Variants in C6orf141 observed in about 807,000 individuals in gnomAD.
The protein encoded by C6orf141 is uncharacterized protein C6orf141.
For synonymous variants in C6orf141, 164 were observed against 140.5 expected, an observed-to-expected ratio of 1.17 and a Z score of -1.18; for missense variants, 361 against 335.8, an observed-to-expected ratio of 1.07 and a Z score of -0.59.
At chr6:49,557,318 C>G (rs2127300870) in intron 4 of C6orf141, among the ~76,000 whole-genome samples, 1 of 152,082 alleles carries the variant, frequency 6.6e-6, no homozygotes, top group South Asian at 2.1e-4. Flanking sequence ...CAGCCCTCCC[C>G]AAAATAGAAC....
At position 49,550,864 on chromosome 6, in the gene C6orf141, C is replaced by T; in HGVS notation, c.72C>T (p.Arg24=). 3 of 1,503,220 alleles carry T rather than the reference C, an allele frequency of 2.0e-6. No individual in the cohort carries two copies. Among genetic ancestry groups the T allele is most frequent in the Non-Finnish European group, 2.7e-6 (3 of 1,129,990 alleles). The allele number at this position is 1,503,220 out of a possible 1,614,324, so 93.1% of individuals were successfully genotyped here. Residue 24 remains arginine (R), a synonymous_variant, in exon 1 of 1, where the codon CGC becomes CGT. Transcript: ENST00000529246. Reference sequence around the variant, plus strand: ...CTGCGAATCCCATGGACTCCTCCCGCAGCCTGGGGGACCTCGGGCCTTTTC... The same window carrying T: ...CTGCGAATCCCATGGACTCCTCCCGTAGCCTGGGGGACCTCGGGCCTTTTC... ...QGAANPMDSS[R]SLGDLGPFPR... is the part of the protein sequence containing the mutation.
intron 4 of C6orf141, among the ~76,000 whole-genome samples, chr6:49,557,621 G>T (rs1772215535): frequency 6.6e-6 from 1 of 151,974 alleles, no homozygotes; most frequent in Admixed American, 6.6e-5. Flanking sequence ...GAGGACCTAG[G>T]AGCCATTACT....
downstream of C6orf141, among the ~76,000 whole-genome samples, chr6:49,554,130 C>G (rs1267024094): frequency 6.6e-6 from 1 of 152,122 alleles, no homozygotes; most frequent in African/African-American, 2.4e-5. Context: ...TGGTAAAGCT[C>G]AAAGGACTAA....
At chr6:49,560,012 C>A (rs1772964478) in intron 4 of C6orf141, among the ~76,000 whole-genome samples, 1 of 152,022 alleles carries the variant, frequency 6.6e-6, no homozygotes, top group African/African-American at 2.4e-5. Flanking sequence ...ATGAAATAAC[C>A]TTATATTAGA....
In C6orf141 at chr6:49,551,568, TC is replaced by T; in HGVS notation, c.*42del. ...ATGTTCCGGGATGGTGGATGAGCGA[TC>T]ATCCTTAAAAGAAAATGCTATTCTG... On this transcript the variant is annotated 3_prime_UTR_variant, in exon 1 of 1. Coordinates refer to ENST00000529246, the MANE Select transcript of C6orf141 (RefSeq NM_001145652.2). 6.5e-7 allele frequency: 1 copy of T among 1,540,988 alleles called. No homozygotes were observed. Among genetic ancestry groups the T allele is most frequent in the Non-Finnish European group, 8.7e-7 (1 of 1,144,996 alleles).
At chr6:49,556,452 G>A (rs965061606), downstream of C6orf141, among the ~76,000 whole-genome samples, 1 of 152,168 alleles carries the variant, frequency 6.6e-6, no homozygotes, top group African/African-American at 2.4e-5. Flanking sequence ...TTATTTGAAA[G>A]TTTGTCCTAA....
chr6:49,554,644 A>G (rs1463694835), downstream of C6orf141, among the ~76,000 whole-genome samples: 1 of 151,484 alleles, frequency 6.6e-6, no homozygotes, highest in Non-Finnish European at 1.5e-5. Flanking sequence ...GGCCTCCCAA[A>G]GTGGTGGGAT....
At chr6:49,557,179 G>A (rs1285301337) in intron 4 of C6orf141, among the ~76,000 whole-genome samples, 1 of 152,194 alleles carries the variant, frequency 6.6e-6, no homozygotes, top group Admixed American at 6.5e-5. Flanking sequence ...TTGAACCCAG[G>A]AGGAGGAGGT....
downstream of C6orf141, among the ~76,000 whole-genome samples, chr6:49,554,109 G>T (rs555921112): frequency 6.6e-6 from 1 of 152,220 alleles, no homozygotes; most frequent in East Asian, 1.9e-4. Context: ...CACATCTTCT[G>T]TAGGGACTCA....
At chr6:49,558,404 GAAAAA>G (rs10716612) in intron 4 of C6orf141, among the ~76,000 whole-genome samples, 4 of 135,252 alleles carry the variant, frequency 3.0e-5, no homozygotes, top group Admixed American at 7.5e-5. Context: ...CCCTGAGTTG[GAAAAA>G]AAAAAAAAAA....
intron 4 of C6orf141, among the ~76,000 whole-genome samples, chr6:49,558,422 A>G (rs1206481018): frequency 1.4e-5 from 2 of 142,776 alleles, no homozygotes; most frequent in South Asian, 4.4e-4. Flanking sequence ...AAAAAAAAAG[A>G]GAGAGAGAGA....
downstream of C6orf141, among the ~76,000 whole-genome samples, chr6:49,557,026 G>A (rs1772086707): frequency 6.6e-6 from 1 of 152,154 alleles, no homozygotes. Flanking sequence ...GGCCAAAGCA[G>A]GTGGATCACC....
At chr6:49,554,245 T>G (rs1486626992), downstream of C6orf141, among the ~76,000 whole-genome samples, 12 of 152,190 alleles carry the variant, frequency 7.9e-5, no homozygotes, top group Admixed American at 7.9e-4. Flanking sequence ...TAGTTTGTTT[T>G]CCCTCTGGGA....
chr6:49,554,084 T>C (rs949285168), downstream of C6orf141, among the ~76,000 whole-genome samples: 2 of 152,210 alleles, frequency 1.3e-5, no homozygotes, highest in Non-Finnish European at 2.9e-5. Context: ...TCTTAAATTC[T>C]TTAGAAATGA....
At chr6:49,553,483 T>G (rs1483130541), downstream of C6orf141, among the ~76,000 whole-genome samples, 2 of 152,190 alleles carry the variant, frequency 1.3e-5, no homozygotes. Context: ...GAGATTAACT[T>G]ACTTGGCATG....
intron 4 of C6orf141, among the ~76,000 whole-genome samples, chr6:49,560,278 G>A (rs1161021837): frequency 5.3e-5 from 8 of 151,940 alleles, no homozygotes; most frequent in Admixed American, 3.3e-4. Context: ...TCGCGCCACC[G>A]CACTCCAGCC....
chr6:49,558,944 T>C lies in C6orf141; in HGVS notation c.*764-2760T>C, dbSNP rs565258974. ...GGATGGTCTCGATCTCCTGAACTCG[T>C]GATCCACCTGCCTCGGCCTCCCAAA... On this transcript the variant is annotated intron_variant and NMD_transcript_variant, in intron 4 of 4. Coordinates refer to the C6orf141 transcript ENST00000371194. Among the ~76,000 whole-genome samples, 9 of 151,764 alleles carry C rather than the reference T, an allele frequency of 5.9e-5. No homozygotes were observed. In the East Asian group the frequency reaches 1.8e-3, roughly 30 times the overall value.
At chr6:49,556,954 C>A (rs2127299547), downstream of C6orf141, among the ~76,000 whole-genome samples, 1 of 152,226 alleles carries the variant, frequency 6.6e-6, no homozygotes, top group Non-Finnish European at 1.5e-5. Context: ...ACATTTCTAA[C>A]CTTAAAACAG....
At chr6:49,558,380 A>T (rs1269974915) in intron 4 of C6orf141, among the ~76,000 whole-genome samples, 1 of 138,158 alleles carries the variant, frequency 7.2e-6, no homozygotes, top group Non-Finnish European at 1.5e-5. Context: ...TAGTTTAGGG[A>T]TTTCTCAGGT....
Sources: gnomAD v4.1 joint callset for allele counts (sites outside exome capture counted in the v4.1 genomes callset) on GRCh38, gnomAD v4.1.1 for gene constraint, MANE v1.5 for transcripts, NCBI Gene and HGNC (gene_info 2026-07-23, HGNC 2026-07-21) for gene names.